Variants in LCOR observed in about 807,000 individuals in gnomAD.
LCOR encodes the protein ligand-dependent corepressor.
A neutral mutation model predicts 64.4 loss-of-function variants in LCOR; 14 were observed. The ratio of observed to expected loss-of-function variants is 0.22; its 90% CI spans 0.14 to 0.34. The LOEUF (loss-of-function observed/expected upper bound fraction) is 0.34, where lower values mean the gene tolerates loss of function less well. Ranked by LOEUF, LCOR falls within the 10% of genes least tolerant of loss-of-function variation. The pLI is 1.00. For synonymous variants in LCOR, 643 were observed against 642.5 expected (o/e 1.00, Z -0.01); for missense variants, 1,686 against 1,765.3 (o/e 0.96, Z 0.80).
chr10:96,885,612 G>A (rs1244632159), intron 2 of LCOR, among the ~76,000 whole-genome samples: 1 of 137,292 alleles, frequency 7.3e-6, no homozygotes, highest in Non-Finnish European at 1.5e-5. Flanking sequence ...TGCCCAAGCT[G>A]ATCTCAAACT....
At chr10:96,927,918 TGTA>T (rs951300734) in intron 4 of LCOR, among the ~76,000 whole-genome samples, 4 of 152,234 alleles carry the variant, frequency 2.6e-5, no homozygotes, top group South Asian at 2.1e-4. Flanking sequence ...ATGTTTATAT[TGTA>T]GTCTGTTAAG....
intron 7 of LCOR, among the ~76,000 whole-genome samples, chr10:96,979,484 C>T (rs992934686): frequency 2.0e-5 from 3 of 152,254 alleles, no homozygotes; most frequent in African/African-American, 7.2e-5. Context: ...ACAGTCCCCA[C>T]TGTCTGCGCT....
chr10:96,833,357 C>A (rs1409066581), intron 1 of LCOR, 49 bp from the exon 2 acceptor site: 9 of 977,494 alleles, frequency 9.2e-6, no homozygotes, highest in Non-Finnish European at 2.4e-6. Context: ...GCCGGGCGGC[C>A]GAGCTGCGCC....
chr10:96,965,764 G>A (rs929774505), intron 7 of LCOR, among the ~76,000 whole-genome samples: 1 of 149,968 alleles, frequency 6.7e-6, no homozygotes, highest in Admixed American at 6.6e-5. Flanking sequence ...GACTTGTTCT[G>A]TTGGCTTTAT....
chr10:96,855,411 C>G (rs747556020), intron 2 of LCOR, among the ~76,000 whole-genome samples: 12 of 150,410 alleles, frequency 8.0e-5, no homozygotes, highest in Non-Finnish European at 1.5e-4. Context: ...TTGACTGACG[C>G]TGTTTTTTTT....
rs376715492 is a variant in LCOR, at chr10:96,914,343, G to A, written c.-184+6596G>A. ...CCCCTGAGTAGCTGGGATTACAGGT[G>A]TCCACCACCACACCTGGCTAATTTG... is the stretch of plus-strand genomic sequence containing the variant. On this transcript the variant is annotated intron_variant, in intron 4 of 7. Coordinates refer to ENST00000421806, the MANE Select transcript of LCOR (RefSeq NM_001346516.2). Among the ~76,000 whole-genome samples the A allele has an allele frequency of 5.5e-4, 84 of 152,214 alleles. 1 individual carries two copies. The highest frequency in any genetic ancestry group is 1.9e-3 in the African/African-American group (80 of 41,534).
At chr10:96,936,625 T>A (rs1847355091) in intron 4 of LCOR, among the ~76,000 whole-genome samples, 1 of 152,056 alleles carries the variant, frequency 6.6e-6, no homozygotes, top group South Asian at 2.1e-4. Context: ...AATAGGCAAA[T>A]TCCTAGAAAG....
intron 2 of LCOR, among the ~76,000 whole-genome samples, chr10:96,847,203 C>T (rs564224621): frequency 2.0e-5 from 3 of 152,076 alleles, no homozygotes; most frequent in East Asian, 3.9e-4. Flanking sequence ...ATGATCATGC[C>T]GCAGCACTCC....
chr10:96,942,673 A>T (rs1314721849), intron 4 of LCOR, among the ~76,000 whole-genome samples: 2 of 152,200 alleles, frequency 1.3e-5, no homozygotes, highest in East Asian at 3.8e-4. Flanking sequence ...TTTAACATAA[A>T]TCTTAGGATG....
At chr10:96,867,233 TC>T (rs1355318375) in intron 2 of LCOR, among the ~76,000 whole-genome samples, 3 of 152,100 alleles carry the variant, frequency 2.0e-5, no homozygotes, top group African/African-American at 7.2e-5. Context: ...CCTCAGGTGA[TC>T]CACCCGTCTC....
chr10:96,903,937 G>T (rs1846685944), intron 2 of LCOR, among the ~76,000 whole-genome samples: 1 of 152,178 alleles, frequency 6.6e-6, no homozygotes, highest in South Asian at 2.1e-4. Flanking sequence ...AAAGAAAAAT[G>T]AGAACATAGT....
chr10:96,894,854 A>G (rs1846510698), intron 2 of LCOR, among the ~76,000 whole-genome samples: 1 of 152,196 alleles, frequency 6.6e-6, no homozygotes, highest in Non-Finnish European at 1.5e-5. Flanking sequence ...ATATGTCTTT[A>G]TTTCAATAAC....
At chr10:96,912,892 T>C (rs1846869208) in intron 4 of LCOR, among the ~76,000 whole-genome samples, 1 of 152,168 alleles carries the variant, frequency 6.6e-6, no homozygotes, top group South Asian at 2.1e-4. Context: ...TCTCCCTATG[T>C]TGTTGTTTTA....
intron 2 of LCOR, among the ~76,000 whole-genome samples, chr10:96,835,642 CTGTT>C (rs1331113442): frequency 1.3e-5 from 2 of 152,098 alleles, no homozygotes; most frequent in African/African-American, 4.8e-5. Flanking sequence ...AACGGTCAAC[CTGTT>C]TGTTTCTCTT....
intron 2 of LCOR, among the ~76,000 whole-genome samples, chr10:96,898,392 A>G (rs1468525196): frequency 6.6e-6 from 1 of 152,184 alleles, no homozygotes; most frequent in Non-Finnish European, 1.5e-5. Context: ...AGAGACTGAA[A>G]AGATAATTTG....
At position 96,844,150 on chromosome 10, in the gene LCOR, C is replaced by T. The variant is rs114732587; in HGVS notation, c.-330+10671C>T. Among the ~76,000 whole-genome samples the T allele has an allele frequency of 2.2e-3, 295 of 137,112 alleles. 2 individuals are homozygous for T. The highest frequency in any genetic ancestry group is 7.8e-3 in the African/African-American group (282 of 36,086). The allele number at this position is 137,112 out of a possible 152,430, so 90.0% of individuals were successfully genotyped here. A position where few individuals can be genotyped will look rare whatever the true frequency, so the allele number is the denominator to read the frequency against. On this transcript the variant is annotated intron_variant, in intron 2 of 7. Coordinates refer to ENST00000421806, the MANE Select transcript of LCOR (RefSeq NM_001346516.2). ...CTTCCTTCCCTCCCTCCCTCCCCTC[C>T]TGTACCCCCACACACCCCAAGACAG...
intron 4 of LCOR, among the ~76,000 whole-genome samples, chr10:96,934,856 C>T (rs1157859786): frequency 2.6e-5 from 4 of 152,188 alleles, no homozygotes; most frequent in Non-Finnish European, 5.9e-5. Flanking sequence ...CTCGCCTCGG[C>T]CTCCAAAAGG....
In LCOR at chr10:96,981,691, A is replaced by C; in HGVS notation, c.1231A>C (p.Ser411Arg). Reference protein sequence around the residue: ...RNKVGYHLHPSDKGQFDHSKD... With the variant: ...RNKVGYHLHPRDKGQFDHSKD... ...TAAGGTGGGTTACCATTTACATCCC[A>C]GTGATAAGGGCCAGTTTGATCATTC... is the stretch of plus-strand genomic sequence containing the variant. The change falls in exon 8 of 8, where the codon AGT becomes CGT. Residue 411 changes from serine (S) to arginine (R), a missense_variant. Around this residue, in one of 3 missense-constraint regions of LCOR, gnomAD observed 1,293 missense variants for 1,410.4 expected, o/e 0.92. Transcript: ENST00000421806. 1 of 1,614,230 alleles carries C rather than the reference A, an allele frequency of 6.2e-7. No homozygotes were observed. The highest frequency in any genetic ancestry group is 8.5e-7 in the Non-Finnish European group (1 of 1,180,046).
chr10:96,885,433 G>A (rs757654766), intron 2 of LCOR, among the ~76,000 whole-genome samples: 2 of 152,030 alleles, frequency 1.3e-5, no homozygotes, highest in Non-Finnish European at 2.9e-5. Flanking sequence ...CCAGGCTGGA[G>A]TGCAGTGGCA....
Sources: allele counts gnomAD v4.1 joint callset (sites outside exome capture counted in the v4.1 genomes callset), GRCh38; gene constraint gnomAD v4.1.1; regional missense constraint gnomAD v4.1.1; transcripts MANE v1.5; gene names NCBI Gene and HGNC (gene_info 2026-07-23, HGNC 2026-07-21).